Variants in DNAJB13 observed in about 807,000 individuals in gnomAD.
The protein encoded by DNAJB13 is dnaJ homolog subfamily B member 13.
A neutral mutation model predicts 35.6 loss-of-function variants in DNAJB13; 22 were observed. The ratio of observed to expected loss-of-function variants is 0.62; its 90% CI spans 0.44 to 0.88. DNAJB13 has a LOEUF of 0.88. Ranked by LOEUF, DNAJB13 falls within the 40% of genes least tolerant of loss-of-function variation. DNAJB13 has a pLI of 0.00. For missense variants in DNAJB13, 370 were observed against 384.3 expected (o/e 0.96, Z 0.31); for synonymous variants, 136 against 144.2 (o/e 0.94, Z 0.41).
In DNAJB13 at chr11:73,959,505, G is replaced by A. The variant is rs375146507; in HGVS notation, c.184G>A (p.Gly62Ser). Residue 62 changes from glycine to serine, a missense_variant, in exon 3 of 8, where the codon GGC (glycine) becomes AGC (serine). Coordinates refer to ENST00000339764, the MANE Select transcript of DNAJB13 (RefSeq NM_153614.4). ...YDVLSDPMKRGIYDKFGEEGL... is the reference protein window; with the variant it reads ...YDVLSDPMKRSIYDKFGEEGL... ...ATGCCCATCCACAGCCATGAAGAGA[G>A]GCATCTACGACAAGTTTGGAGAAGA... 16 of 1,613,492 alleles carry A rather than the reference G, an allele frequency of 9.9e-6. No homozygotes were observed. The highest frequency in any genetic ancestry group is 1.2e-5 in the Non-Finnish European group (14 of 1,179,580).
chr11:73,953,801 C>T (rs1037979191), intron 1 of DNAJB13, among the ~76,000 whole-genome samples: 2 of 151,618 alleles, frequency 1.3e-5, no homozygotes, highest in Non-Finnish European at 2.9e-5. Context: ...CCCTCAAGAC[C>T]ATCCTGGCTA....
At chr11:73,956,299 G>A (rs867539004) in intron 1 of DNAJB13, among the ~76,000 whole-genome samples, 10 of 152,310 alleles carry the variant, frequency 6.6e-5, no homozygotes, top group South Asian at 4.1e-4. Context: ...GAAAGTTGAA[G>A]GATGAATTAA....
intron 3 of DNAJB13, among the ~76,000 whole-genome samples, chr11:73,961,612 G>A (rs1015536440): frequency 1.3e-5 from 2 of 152,180 alleles, no homozygotes; most frequent in Non-Finnish European, 1.5e-5. Flanking sequence ...GATGCCTGCC[G>A]CCTTCTTCCT....
chr11:73,969,238 C>T lies in DNAJB13; in HGVS notation c.721-8C>T, dbSNP rs181353808. The T allele has an allele frequency of 3.5e-5, 30 of 858,420 alleles. No homozygotes were observed. The highest frequency in any genetic ancestry group is 2.9e-4 in the East Asian group (12 of 40,736). The allele number at this position is 858,420 out of a possible 1,614,324, so 53.2% of individuals were successfully genotyped here. A position where few individuals can be genotyped will look rare whatever the true frequency, so the allele number is the denominator to read the frequency against. On this transcript the variant is annotated splice_region_variant and splice_polypyrimidine_tract_variant and intron_variant, in intron 6 of 7. Transcript: ENST00000339764. ...CTCAGCCCCACCTTTGGCCCTGACC[C>T]TCCCTAGGCTCTCACCTGCTGCACT...
intron 3 of DNAJB13, among the ~76,000 whole-genome samples, chr11:73,962,799 C>T (rs571658072): frequency 4.6e-5 from 7 of 152,282 alleles, no homozygotes; most frequent in African/African-American, 1.7e-4. Flanking sequence ...TTGTGCCACC[C>T]TCACGTGTCT....
intron 5 of DNAJB13, among the ~76,000 whole-genome samples, chr11:73,966,754 T>C (rs1017924385): frequency 6.6e-6 from 1 of 151,798 alleles, no homozygotes; most frequent in Non-Finnish European, 1.5e-5. Context: ...TTTCAGCTCA[T>C]TGCAGCCTCC....
chr11:73,967,455 CT>C (rs1188571987), intron 5 of DNAJB13, among the ~76,000 whole-genome samples: 1 of 152,186 alleles, frequency 6.6e-6, no homozygotes, highest in African/African-American at 2.4e-5. Context: ...TATGAAACAT[CT>C]ACCTCCGGTC....
At chr11:73,951,260 C>T (rs1950579486) in intron 1 of DNAJB13, 123 bp downstream of exon 1, 2 of 1,180,220 alleles carry the variant, frequency 1.7e-6, no homozygotes, top group African/African-American at 1.5e-5. Flanking sequence ...CCTCCTTTCA[C>T]TTCTTGCATA....
chr11:73,969,897 C>T, intron 7 of DNAJB13, 64 bp from the exon 8 acceptor site: 1 of 1,539,768 alleles, frequency 6.5e-7, no homozygotes, highest in Non-Finnish European at 8.8e-7. Flanking sequence ...GGTTATATGA[C>T]AGGGACCTGC....
At chr11:73,953,610 A>C (rs1215066517) in intron 1 of DNAJB13, among the ~76,000 whole-genome samples, 4 of 152,182 alleles carry the variant, frequency 2.6e-5, no homozygotes, top group East Asian at 1.9e-4. Context: ...AATGTCTGGA[A>C]TCTATGAATA....
chr11:73,952,704 G>A (rs1289746181), intron 1 of DNAJB13, among the ~76,000 whole-genome samples: 2 of 152,190 alleles, frequency 1.3e-5, no homozygotes, highest in Non-Finnish European at 2.9e-5. Context: ...CAGTGGGCGT[G>A]CAGAAAGATA....
At chr11:73,966,360 C>G in intron 5 of DNAJB13, 109 bp downstream of exon 5, 1 of 1,049,492 alleles carries the variant, frequency 9.5e-7, no homozygotes, top group Non-Finnish European at 1.4e-6. Context: ...CCCTGTGAGC[C>G]TTGGTCTGTA....
intron 1 of DNAJB13, among the ~76,000 whole-genome samples, chr11:73,954,976 A>G (rs1043966898): frequency 7.9e-5 from 12 of 152,186 alleles, no homozygotes; most frequent in African/African-American, 2.9e-4. Flanking sequence ...AATAAAAATA[A>G]ATAGAGTGAT....
chr11:73,970,160 A>T lies in DNAJB13; in HGVS notation c.*46A>T. On this transcript the variant is annotated 3_prime_UTR_variant, in exon 8 of 8. Transcript: ENST00000339764. The stretch of plus-strand genomic sequence containing the variant: ...GGTGAGAGGAGGCTAGCCGGGCCTC[A>T]CCCCACCCCTACCCGCCACAGCCTC... 6.7e-7 allele frequency: 1 copy of T among 1,503,752 alleles called. No individual in the cohort carries two copies. Among genetic ancestry groups the T allele is most frequent in the South Asian group, 1.4e-5 (1 of 73,670 alleles). 93.2% of individuals were successfully genotyped at this position (1,503,752 alleles called of 1,614,324 possible). A position where few individuals can be genotyped will look rare whatever the true frequency, so the allele number is the denominator to read the frequency against.
At chr11:73,964,668 A>G (rs550570669) in intron 3 of DNAJB13, 9 of 585,970 alleles carry the variant, frequency 1.5e-5, no homozygotes, top group South Asian at 2.0e-5. Flanking sequence ...GCAGTTGAAG[A>G]CAGCTCCTTG....
chr11:73,964,304 T>TG (rs1193980493), intron 3 of DNAJB13: 1 of 154,486 alleles, frequency 6.5e-6, no homozygotes, highest in Non-Finnish European at 1.4e-5. Context: ...CCTCTCAAAT[T>TG]GTTAGGGACC....
At chr11:73,964,812 T>TGTGTGTGTGTGTGTGTGC (rs1491290663) in intron 3 of DNAJB13, 66 bp from the exon 4 acceptor site, 1 of 656,216 alleles carries the variant, frequency 1.5e-6, no homozygotes, top group African/African-American at 2.3e-5. Context: ...TGTGTGTGTG[T>TGTGTGTGTGTGTGTGTGC]GCGCGCGCGC....
In DNAJB13 at chr11:73,958,298, T is replaced by C. The variant is rs1950818173; in HGVS notation, c.69-19T>C. 6.2e-7 allele frequency: 1 copy of C among 1,613,206 alleles called. No homozygotes were observed. The highest frequency in any genetic ancestry group is 8.5e-7 in the Non-Finnish European group (1 of 1,179,288). On this transcript the variant is annotated intron_variant, in intron 1 of 7. Transcript: ENST00000339764. The stretch of plus-strand genomic sequence containing the variant: ...AACAGACCAGCTGATAAGACTTGTA[T>C]TAATTCTCCCTCTTCCAGGTACCGC...
chr11:73,966,631 C>T (rs1322663120), intron 5 of DNAJB13, among the ~76,000 whole-genome samples: 1 of 152,038 alleles, frequency 6.6e-6, no homozygotes, highest in East Asian at 1.9e-4. Flanking sequence ...ACAGGAGCTA[C>T]TCAGAAACCA....
Sources: gnomAD v4.1 joint callset for allele counts (sites outside exome capture counted in the v4.1 genomes callset) on GRCh38, gnomAD v4.1.1 for gene constraint, MANE v1.5 for transcripts, NCBI Gene and HGNC (gene_info 2026-07-23, HGNC 2026-07-21) for gene names.